The following FAF1 variants were observed in gnomAD, a reference collection of about 807,000 sequenced individuals.
FAF1 encodes the protein FAS-associated factor 1.
In FAF1, 25 loss-of-function variants were observed where a neutral mutation model predicts 92.5. The ratio of observed to expected loss-of-function variants is 0.27; its 90% CI spans 0.20 to 0.38. The LOEUF is 0.38. Ranked by LOEUF, FAF1 falls within the 10% of genes least tolerant of loss-of-function variation. The pLI is 1.00. For missense variants in FAF1, 636 were observed against 793.3 expected (o/e 0.80, Z 2.38); for synonymous variants, 234 against 273.2 (o/e 0.86, Z 1.42).
chr1:50,580,641 A>G (rs1572847633), intron 12 of FAF1, among the ~76,000 whole-genome samples: 3 of 152,306 alleles, frequency 2.0e-5, no homozygotes, highest in Admixed American at 2.0e-4. Context: ...CTGTTATTAC[A>G]GGATTATAAC....
At position 50,902,705 on chromosome 1, in the gene FAF1, T is replaced by C. The variant is rs527808210; in HGVS notation, c.46-44708A>G. Reference sequence around the variant, plus strand: ...TGGCATAGTATTTGCATATAACTTATGCACATCCTCCAGTATACTTTAAAT... The same window carrying C: ...TGGCATAGTATTTGCATATAACTTACGCACATCCTCCAGTATACTTTAAAT... On this transcript the variant is annotated intron_variant, in intron 1 of 18. Transcript: ENST00000396153. 6.6e-5 allele frequency among the ~76,000 whole-genome samples: 10 copies of C among 152,286 alleles called. 1 individual carries two copies. The highest frequency in any genetic ancestry group is 4.6e-4 in the Admixed American group (7 of 15,294).
At chr1:50,764,311 T>C (rs1435778091) in intron 4 of FAF1, among the ~76,000 whole-genome samples, 1 of 152,190 alleles carries the variant, frequency 6.6e-6, no homozygotes, top group Admixed American at 6.6e-5. Flanking sequence ...AGGAATTCAA[T>C]AGTATTCTAG....
Position 50,441,428 on chromosome 1 carries a change from G to A in FAF1, c.*12C>T, listed in dbSNP as rs1344583787. The A allele has an allele frequency of 6.0e-6, 9 of 1,502,922 alleles. No individual in the cohort carries two copies. In the East Asian group the frequency reaches 1.0e-4, roughly 17 times the overall value. The allele number at this position is 1,502,922 out of a possible 1,614,324, so 93.1% of individuals were successfully genotyped here. ...TTGTCAAGGAATGGCTGGTTCCACCGCTGGGCCGTGTTTACTCTTTTGCTT... is the reference window on the plus strand; with the variant it reads ...TTGTCAAGGAATGGCTGGTTCCACCACTGGGCCGTGTTTACTCTTTTGCTT... On this transcript the variant is annotated 3_prime_UTR_variant, in exon 19 of 19. Coordinates refer to ENST00000396153, the MANE Select transcript of FAF1 (RefSeq NM_007051.3).
intron 8 of FAF1, among the ~76,000 whole-genome samples, chr1:50,612,684 A>G (rs1652735071): frequency 6.6e-6 from 1 of 152,252 alleles, no homozygotes; most frequent in Non-Finnish European, 1.5e-5. Flanking sequence ...GGACATGGAC[A>G]TAGTGCTGCT....
At chr1:50,678,576 T>C (rs1432231991) in intron 7 of FAF1, among the ~76,000 whole-genome samples, 2 of 151,144 alleles carry the variant, frequency 1.3e-5, no homozygotes, top group Admixed American at 6.6e-5. Flanking sequence ...GGTCAGGAGA[T>C]AGAGACCATC....
intron 13 of FAF1, among the ~76,000 whole-genome samples, chr1:50,549,473 T>C (rs1046563294): frequency 2.6e-5 from 4 of 151,688 alleles, no homozygotes; most frequent in African/African-American, 7.2e-5. Flanking sequence ...CATGCCCAGC[T>C]AAGTTTTAAA....
intron 8 of FAF1, among the ~76,000 whole-genome samples, chr1:50,649,014 C>T (rs1654726762): frequency 6.6e-6 from 1 of 152,126 alleles, no homozygotes; most frequent in African/African-American, 2.4e-5. Context: ...GAACTCCTGA[C>T]CTCGTGATCC....
chr1:50,690,474 G>A (rs773958409), intron 7 of FAF1, among the ~76,000 whole-genome samples: 10 of 152,086 alleles, frequency 6.6e-5, no homozygotes, highest in South Asian at 4.2e-4. Context: ...GGTGGCACAC[G>A]TCTGTAATCC....
At chr1:50,713,842 C>T (rs1056959879) in intron 6 of FAF1, among the ~76,000 whole-genome samples, 6 of 145,030 alleles carry the variant, frequency 4.1e-5, no homozygotes, top group Non-Finnish European at 6.0e-5. Flanking sequence ...GGCATGATCT[C>T]GGTTCACTGT....
chr1:50,783,624 AG>A (rs1661259826), intron 4 of FAF1, among the ~76,000 whole-genome samples: 1 of 152,208 alleles, frequency 6.6e-6, no homozygotes, highest in Non-Finnish European at 1.5e-5. Flanking sequence ...CTGTAATCCC[AG>A]CACTCTGGGA....
chr1:50,730,506 T>TA (rs1658871284), intron 6 of FAF1, among the ~76,000 whole-genome samples: 1 of 152,176 alleles, frequency 6.6e-6, no homozygotes, highest in Admixed American at 6.5e-5. Context: ...TCAGTGCACT[T>TA]ACTCTGCGGT....
intron 5 of FAF1, 92 bp from the exon 6 acceptor site, chr1:50,739,046 G>T: frequency 1.2e-6 from 1 of 846,600 alleles, no homozygotes. Context: ...TGTTAATTTT[G>T]TAGTTTTTTT....
intron 6 of FAF1, among the ~76,000 whole-genome samples, chr1:50,736,991 G>A (rs75876848): frequency 0.23 from 35,127 of 152,004 alleles, 4,474 homozygotes; most frequent in Middle Eastern, 0.44. Flanking sequence ...GTAAACCCTA[G>A]CTTTTAAGTT....
intron 1 of FAF1, among the ~76,000 whole-genome samples, chr1:50,861,802 A>T (rs555152500): frequency 1.7e-4 from 25 of 150,902 alleles, no homozygotes; most frequent in South Asian, 8.4e-4. Flanking sequence ...CTAAATAATT[A>T]AAAAAAAAAT....
chr1:50,686,080 T>A (rs1414379196), intron 7 of FAF1, among the ~76,000 whole-genome samples: 1 of 152,190 alleles, frequency 6.6e-6, no homozygotes, highest in Non-Finnish European at 1.5e-5. Context: ...TATGCAAGGT[T>A]AGTCACAGAA....
intron 8 of FAF1, among the ~76,000 whole-genome samples, chr1:50,639,535 TG>T (rs1654219524): frequency 6.6e-6 from 1 of 152,236 alleles, no homozygotes; most frequent in South Asian, 2.1e-4. Context: ...GTTCCAATGT[TG>T]CACCATCCAC....
At chr1:50,685,439 A>G (rs1656616583) in intron 7 of FAF1, among the ~76,000 whole-genome samples, 1 of 152,218 alleles carries the variant, frequency 6.6e-6, no homozygotes, top group South Asian at 2.1e-4. Flanking sequence ...AGTATAGTAT[A>G]GTTAATGGAT....
In FAF1 at chr1:50,440,477, C is replaced by T. The variant is rs1646156445; in HGVS notation, c.*963G>A. On this transcript the variant is annotated 3_prime_UTR_variant, in exon 19 of 19. Transcript: ENST00000396153. ...AAAGAATAAAATAGTAGAGCAAGTT[C>T]CTTATTACAGGAGAGTCCATGGGGC... 6.6e-6 allele frequency: 1 copy of T among 152,154 alleles called. No homozygotes were observed. Among genetic ancestry groups the T allele is most frequent in the African/African-American group, 2.4e-5 (1 of 41,418 alleles). The allele number at this position is 152,154 out of a possible 1,614,324, so 9.4% of individuals were successfully genotyped here.
chr1:50,878,970 G>A (rs1644590925), intron 1 of FAF1, among the ~76,000 whole-genome samples: 1 of 152,174 alleles, frequency 6.6e-6, no homozygotes, highest in East Asian at 1.9e-4. Flanking sequence ...ATTAGGGCAG[G>A]TATGGTGGCT....
Sources: allele counts gnomAD v4.1 joint callset (sites outside exome capture counted in the v4.1 genomes callset), GRCh38; gene constraint gnomAD v4.1.1; transcripts MANE v1.5; gene names NCBI Gene and HGNC (gene_info 2026-07-23, HGNC 2026-07-21).